Variants in CSPP1 observed in about 807,000 individuals in gnomAD.
The protein encoded by CSPP1 is centrosome and spindle pole-associated protein 1.
CSPP1 carries 126 observed loss-of-function variants against 164.4 expected under a neutral mutation model. That is an observed-to-expected ratio of 0.77 (90% CI 0.66 to 0.89). CSPP1 has a LOEUF of 0.89. Ranked by LOEUF, CSPP1 falls within the 40% of genes least tolerant of loss-of-function variation. The pLI is 0.00. For missense variants in CSPP1, 1,395 were observed against 1,449.8 expected (o/e 0.96, Z 0.61); for synonymous variants, 472 against 476.7 (o/e 0.99, Z 0.13).
intron 28 of CSPP1, among the ~76,000 whole-genome samples, chr8:67,185,260 A>G (rs190886591): frequency 2.4e-4 from 37 of 152,284 alleles, no homozygotes; most frequent in Admixed American, 1.8e-3. Context: ...CCACCAGCCA[A>G]TGGAAGATTT....
At chr8:67,122,874 C>CTG (rs34484092) in intron 15 of CSPP1, among the ~76,000 whole-genome samples, 11,492 of 149,334 alleles carry the variant, frequency 0.077, 478 homozygotes, top group Middle Eastern at 0.16. Context: ...CAGTCTTGCT[C>CTG]TGTGTGTGTG....
chr8:67,099,329 G>A (rs1813542635), intron 7 of CSPP1: 1 of 152,082 alleles, frequency 6.6e-6, no homozygotes, highest in African/African-American at 2.4e-5. Context: ...CCTGGAATGT[G>A]CCTGATCTTG....
At chr8:67,156,459 AT>A (rs1266166992) in intron 19 of CSPP1, among the ~76,000 whole-genome samples, 1 of 152,158 alleles carries the variant, frequency 6.6e-6, no homozygotes, top group African/African-American at 2.4e-5. Flanking sequence ...TCAACCCTCA[AT>A]TTATCTGTGA....
chr8:67,086,984 G>A, intron 4 of CSPP1: 1 of 414,534 alleles, frequency 2.4e-6, no homozygotes, highest in Non-Finnish European at 4.6e-6. Flanking sequence ...ATTTTGAGAT[G>A]TTTGAATGGC....
At chr8:67,102,363 C>T (rs1319682634) in intron 7 of CSPP1, among the ~76,000 whole-genome samples, 3 of 152,016 alleles carry the variant, frequency 2.0e-5, no homozygotes, top group East Asian at 1.9e-4. Context: ...GAGGCCAAGG[C>T]GGGAGATCAC....
At chr8:67,165,927 T>G (rs375517685) in intron 24 of CSPP1, among the ~76,000 whole-genome samples, 3 of 152,262 alleles carry the variant, frequency 2.0e-5, no homozygotes, top group East Asian at 3.8e-4. Flanking sequence ...TTTAGAATTC[T>G]TCCATAAGAA....
At chr8:67,193,821 A>C (rs1837105727) in intron 30 of CSPP1, among the ~76,000 whole-genome samples, 1 of 152,236 alleles carries the variant, frequency 6.6e-6, no homozygotes. Context: ...TTTAGAGTGG[A>C]GTCTAAACAG....
In CSPP1 at chr8:67,195,710, G is replaced by A. The variant is rs1837804517; in HGVS notation, c.*117G>A. Reference sequence around the variant, plus strand: ...GAAAGTTACTTTTTTTCCATCATCTGTATATAAAATTATTTTTATCATGAT... The same window carrying A: ...GAAAGTTACTTTTTTTCCATCATCTATATATAAAATTATTTTTATCATGAT... On this transcript the variant is annotated 3_prime_UTR_variant, in exon 31 of 31. Coordinates refer to ENST00000678616, the MANE Select transcript of CSPP1 (RefSeq NM_001382391.1). The A allele has an allele frequency of 1.4e-6, 1 of 723,412 alleles. No homozygotes were observed. The highest frequency in any genetic ancestry group is 2.3e-6 in the Non-Finnish European group (1 of 432,208). 44.8% of individuals were successfully genotyped at this position (723,412 alleles called of 1,614,324 possible). A position where few individuals can be genotyped will look rare whatever the true frequency, so the allele number is the denominator to read the frequency against.
At chr8:67,127,616 G>A (rs962444917) in intron 15 of CSPP1, among the ~76,000 whole-genome samples, 3 of 152,142 alleles carry the variant, frequency 2.0e-5, no homozygotes, top group Admixed American at 6.5e-5. Context: ...ATTTTGACTC[G>A]TGTTCTCATT....
intron 6 of CSPP1, 112 bp downstream of exon 6, chr8:67,093,753 C>T (rs571494905): frequency 1.2e-4 from 69 of 560,684 alleles, no homozygotes; most frequent in African/African-American, 1.2e-3. Context: ...TAAATACTTG[C>T]AAAATTAAGC....
intron 28 of CSPP1, among the ~76,000 whole-genome samples, chr8:67,188,816 G>A (rs1002747078): frequency 6.6e-6 from 1 of 152,160 alleles, no homozygotes; most frequent in Non-Finnish European, 1.5e-5. Flanking sequence ...CTAAGTGCCC[G>A]GGTTTGTCCT....
At chr8:67,124,595 G>A (rs1194836691) in intron 15 of CSPP1, among the ~76,000 whole-genome samples, 1 of 151,902 alleles carries the variant, frequency 6.6e-6, no homozygotes, top group Non-Finnish European at 1.5e-5. Context: ...TGAACTCCTG[G>A]GCTCAAACAG....
chr8:67,113,266 C>T (rs867040168), intron 10 of CSPP1, among the ~76,000 whole-genome samples: 18 of 152,000 alleles, frequency 1.2e-4, no homozygotes, highest in African/African-American at 4.3e-4. Flanking sequence ...AAAACAACAA[C>T]AACAAAATTA....
At chr8:67,127,466 G>A (rs1296348605) in intron 15 of CSPP1, among the ~76,000 whole-genome samples, 1 of 152,052 alleles carries the variant, frequency 6.6e-6, no homozygotes, top group Non-Finnish European at 1.5e-5. Context: ...CACGAGGACT[G>A]TACCCTCCTG....
intron 9 of CSPP1, among the ~76,000 whole-genome samples, chr8:67,108,804 C>G (rs539711415): frequency 3.9e-5 from 6 of 152,266 alleles, no homozygotes; most frequent in East Asian, 1.9e-4. Context: ...AGATTTTTCA[C>G]CAGATTTTTT....
chr8:67,161,315 G>A (rs961535466), intron 21 of CSPP1, among the ~76,000 whole-genome samples: 2 of 151,932 alleles, frequency 1.3e-5, no homozygotes, highest in African/African-American at 4.8e-5. Flanking sequence ...TGAAGTTTTT[G>A]GACTATAAGG....
At chr8:67,131,387 A>C (rs1427583060) in intron 15 of CSPP1, among the ~76,000 whole-genome samples, 2 of 151,920 alleles carry the variant, frequency 1.3e-5, no homozygotes, top group African/African-American at 2.4e-5. Flanking sequence ...ACCCTGTCCC[A>C]AAAAAAACCA....
In CSPP1 at chr8:67,195,739, T is replaced by TATTA. The variant is rs1837813034; in HGVS notation, c.*147_*150dup. On this transcript the variant is annotated 3_prime_UTR_variant, in exon 31 of 31. Transcript: ENST00000678616. ...ATAAAATTATTTTTATCATGATGTA[T>TATTA]ATTATGTACATAAATAAAAGGCCAT... is the stretch of plus-strand genomic sequence containing the variant. 1.6e-6 allele frequency: 1 copy of TATTA among 626,260 alleles called. No homozygotes were observed. The highest frequency in any genetic ancestry group is 2.1e-5 in the South Asian group (1 of 47,722). 38.8% of individuals were successfully genotyped at this position (626,260 alleles called of 1,614,324 possible). A position where few individuals can be genotyped will look rare whatever the true frequency, so the allele number is the denominator to read the frequency against.
chr8:67,139,206 C>A (rs187004579), intron 17 of CSPP1, among the ~76,000 whole-genome samples: 128 of 152,266 alleles, frequency 8.4e-4, no homozygotes, highest in Middle Eastern at 6.8e-3. Context: ...ACTTCTCAAA[C>A]GAAGACATTT....
Sources: allele counts gnomAD v4.1 joint callset (sites outside exome capture counted in the v4.1 genomes callset), GRCh38; gene constraint gnomAD v4.1.1; transcripts MANE v1.5; gene names NCBI Gene and HGNC (gene_info 2026-07-23, HGNC 2026-07-21).